The following TMEM108 variants were observed in gnomAD, a reference collection of about 807,000 sequenced individuals.
The protein encoded by TMEM108 is cancer/testis antigen 124.
In TMEM108, 12 loss-of-function variants were observed where a neutral mutation model predicts 35.1. The ratio of observed to expected loss-of-function variants is 0.34; its 90% CI spans 0.22 to 0.55. TMEM108 has a LOEUF of 0.55. TMEM108 is among the 20% of genes least tolerant of loss of function. TMEM108 has a pLI of 0.89. For synonymous variants in TMEM108, 287 were observed against 308.6 expected (o/e 0.93, Z 0.73); for missense variants, 680 against 753.3 (o/e 0.90, Z 1.14).
chr3:133,342,851 T>G (rs1196159184), intron 3 of TMEM108, among the ~76,000 whole-genome samples: 1 of 151,264 alleles, frequency 6.6e-6, no homozygotes, highest in Non-Finnish European at 1.5e-5. Flanking sequence ...TTATTAGCAC[T>G]GCAGAGTGAC....
chr3:133,395,324 G>C (rs964590474), intron 5 of TMEM108, among the ~76,000 whole-genome samples: 5 of 152,190 alleles, frequency 3.3e-5, no homozygotes, highest in African/African-American at 1.2e-4. Context: ...GGAAGGAATT[G>C]GCCCTTGAAG....
intron 2 of TMEM108, among the ~76,000 whole-genome samples, chr3:133,206,562 G>A (rs1378071575): frequency 2.0e-5 from 3 of 152,192 alleles, no homozygotes; most frequent in African/African-American, 7.2e-5. Flanking sequence ...AGGCCCCTCT[G>A]CTGCAGGACC....
At chr3:133,148,013 T>G (rs1944746269) in intron 2 of TMEM108, among the ~76,000 whole-genome samples, 1 of 152,222 alleles carries the variant, frequency 6.6e-6, no homozygotes, top group Non-Finnish European at 1.5e-5. Context: ...TATGAACTCC[T>G]GTTATTTTAA....
chr3:133,397,644 T>C lies in TMEM108; in HGVS notation c.*1658T>C, dbSNP rs2073324507. ...AGAAAAATCTGTTTGTAAAGTAAAA[T>C]TTATATATAATATATGTAATCAAAG... On this transcript the variant is annotated 3_prime_UTR_variant, in exon 6 of 6. Coordinates refer to ENST00000321871, the MANE Select transcript of TMEM108 (RefSeq NM_023943.4). 6.6e-6 allele frequency: 1 copy of C among 152,174 alleles called. No individual in the cohort carries two copies. The allele number at this position is 152,174 out of a possible 1,614,324, so 9.4% of individuals were successfully genotyped here.
chr3:133,346,926 C>G lies in TMEM108; in HGVS notation c.41-32826C>G, dbSNP rs1371596348. ...CTTTCTCCATTGAATTGCCTTAGCT[C>G]CTTTGTCAAAGATCAGTTGACTTTA... On this transcript the variant is annotated intron_variant, in intron 3 of 5. Coordinates refer to ENST00000321871, the MANE Select transcript of TMEM108 (RefSeq NM_023943.4). The surrounding 1 kb of genome is among the most constrained non-coding windows in gnomAD (Gnocchi z 4.0). Among the ~76,000 whole-genome samples the G allele has an allele frequency of 2.6e-5, 4 of 152,068 alleles. No homozygotes were observed. The highest frequency in any genetic ancestry group is 4.4e-5 in the Non-Finnish European group (3 of 67,954).
chr3:133,149,069 C>A (rs1021875916), intron 2 of TMEM108, among the ~76,000 whole-genome samples: 1 of 151,992 alleles, frequency 6.6e-6, no homozygotes, highest in Non-Finnish European at 1.5e-5. Context: ...GAAGAAAACA[C>A]CTACATCAGT....
At chr3:133,247,833 G>A (rs367897720) in intron 3 of TMEM108, 3 of 152,122 alleles carry the variant, frequency 2.0e-5, no homozygotes. Flanking sequence ...GGCCAGTGGA[G>A]AAAAAAGGCT....
chr3:133,366,893 G>T (rs2072514557), intron 3 of TMEM108, among the ~76,000 whole-genome samples: 1 of 152,206 alleles, frequency 6.6e-6, no homozygotes, highest in African/African-American at 2.4e-5. Flanking sequence ...AAAGAGACCT[G>T]CAGCCAGCAA....
At chr3:133,146,437 T>C (rs992652136) in intron 2 of TMEM108, among the ~76,000 whole-genome samples, 11 of 152,182 alleles carry the variant, frequency 7.2e-5, no homozygotes, top group African/African-American at 2.7e-4. Flanking sequence ...TTTTTTGTAG[T>C]GTTTCCGACA....
intron 2 of TMEM108, chr3:133,074,229 TA>T (rs1331804955): frequency 6.6e-6 from 1 of 152,184 alleles, no homozygotes; most frequent in Non-Finnish European, 1.5e-5. Flanking sequence ...CTTGATTATT[TA>T]CTTAAATATT....
intron 3 of TMEM108, among the ~76,000 whole-genome samples, chr3:133,348,672 G>A (rs1369504329): frequency 6.6e-6 from 1 of 152,140 alleles, no homozygotes; most frequent in Non-Finnish European, 1.5e-5. Flanking sequence ...GAGGGGCATG[G>A]TGTAGGGTGA....
At chr3:133,172,254 A>G (rs1945141121) in intron 2 of TMEM108, among the ~76,000 whole-genome samples, 1 of 152,190 alleles carries the variant, frequency 6.6e-6, no homozygotes. Flanking sequence ...ATCTGGTTCC[A>G]GGGTCCTGTT....
intron 3 of TMEM108, among the ~76,000 whole-genome samples, chr3:133,241,293 T>C (rs1946309120): frequency 6.6e-6 from 1 of 152,262 alleles, no homozygotes; most frequent in Non-Finnish European, 1.5e-5. Flanking sequence ...ACATTGCCTT[T>C]GCAGCATCTT....
intron 3 of TMEM108, among the ~76,000 whole-genome samples, chr3:133,306,681 T>G (rs571430701): frequency 1.2e-4 from 18 of 152,304 alleles, no homozygotes; most frequent in African/African-American, 3.1e-4. Flanking sequence ...TCCATGTCCC[T>G]GCAAAGGACA....
chr3:133,165,621 A>G (rs1254045491), intron 2 of TMEM108, among the ~76,000 whole-genome samples: 2 of 152,214 alleles, frequency 1.3e-5, no homozygotes, highest in Admixed American at 6.5e-5. Flanking sequence ...AATTTAGAAA[A>G]AGGAGACTTT....
At chr3:133,203,793 G>A (rs965407758) in intron 2 of TMEM108, among the ~76,000 whole-genome samples, 14 of 152,266 alleles carry the variant, frequency 9.2e-5, no homozygotes, top group South Asian at 2.1e-4. Context: ...TTGGTATCAG[G>A]ATGATGTTGG....
intron 3 of TMEM108, among the ~76,000 whole-genome samples, chr3:133,303,899 T>C (rs1947265507): frequency 6.6e-6 from 1 of 152,188 alleles, no homozygotes; most frequent in Non-Finnish European, 1.5e-5. Context: ...AGCTTCTGAT[T>C]TTATTCTTGG....
At chr3:133,065,152 A>C (rs1208459114) in intron 2 of TMEM108, among the ~76,000 whole-genome samples, 1 of 152,186 alleles carries the variant, frequency 6.6e-6, no homozygotes, top group Non-Finnish European at 1.5e-5. Context: ...AGAGCTATTC[A>C]ATGTGTATTT....
At chr3:133,172,090 C>T (rs974959337) in intron 2 of TMEM108, among the ~76,000 whole-genome samples, 1 of 152,174 alleles carries the variant, frequency 6.6e-6, no homozygotes, top group Non-Finnish European at 1.5e-5. Context: ...ATGCCAGACA[C>T]TGCTCTAAGG....
Sources: allele counts gnomAD v4.1 joint callset (sites outside exome capture counted in the v4.1 genomes callset), GRCh38; gene constraint gnomAD v4.1.1; non-coding constraint Gnocchi (gnomAD v3.1); transcripts MANE v1.5; gene names NCBI Gene and HGNC (gene_info 2026-07-23, HGNC 2026-07-21).